HPSE2: variants seen among roughly 807,000 people sequenced by gnomAD.
The protein encoded by HPSE2 is inactive heparanase-2.
Under a neutral mutation model 60.5 loss-of-function variants are expected in HPSE2, and 38 were observed. The ratio of observed to expected loss-of-function variants is 0.63; its 90% CI spans 0.48 to 0.82. The LOEUF (loss-of-function observed/expected upper bound fraction) is 0.82. Among genes scored for constraint, HPSE2 ranks in the 40% least tolerant of loss-of-function variants. HPSE2 has a pLI of 0.00. For synonymous variants in HPSE2, 295 were observed against 293.2 expected (o/e 1.01, Z -0.06); for missense variants, 713 against 740.4 (o/e 0.96, Z 0.43).
intron 3 of HPSE2, among the ~76,000 whole-genome samples, chr10:98,828,437 T>C (rs1471852446): frequency 1.3e-5 from 2 of 152,230 alleles, no homozygotes; most frequent in African/African-American, 4.8e-5. Flanking sequence ...ATTTGTACTA[T>C]ATCATCTTGC....
Position 98,823,982 on chromosome 10 carries a change from T to C in HPSE2, c.611-79926A>G, listed in dbSNP as rs1411301730. 3.3e-5 allele frequency among the ~76,000 whole-genome samples: 5 copies of C among 152,290 alleles called. No individual in the cohort carries two copies. The East Asian group carries it at 9.6e-4, about 29-fold the overall frequency. On this transcript the variant is annotated intron_variant, in intron 3 of 11. Coordinates refer to ENST00000370552, the MANE Select transcript of HPSE2 (RefSeq NM_021828.5). Reference sequence around the variant, plus strand: ...GGTTACAAAGCAGGTCCTAACAAATTTTAAAGGATTGATGAGTATGTTCTC... The same window carrying C: ...GGTTACAAAGCAGGTCCTAACAAATCTTAAAGGATTGATGAGTATGTTCTC...
intron 2 of HPSE2, among the ~76,000 whole-genome samples, chr10:99,180,311 T>C (rs971133051): frequency 6.6e-6 from 1 of 151,820 alleles, no homozygotes; most frequent in African/African-American, 2.4e-5. Context: ...ATTATCAGAG[T>C]GAACAGGCAA....
chr10:98,486,081 C>G (rs1564912023), intron 10 of HPSE2, among the ~76,000 whole-genome samples: 1 of 152,200 alleles, frequency 6.6e-6, no homozygotes, highest in Non-Finnish European at 1.5e-5. Context: ...ATAGCGCCTT[C>G]TCAGGTAGGA....
intron 5 of HPSE2, among the ~76,000 whole-genome samples, chr10:98,706,997 T>C (rs1197417530): frequency 6.6e-6 from 1 of 152,138 alleles, no homozygotes; most frequent in Non-Finnish European, 1.5e-5. Flanking sequence ...GGATCAGATT[T>C]GCATTTCAGG....
chr10:98,711,303 T>G (rs1405590598), intron 5 of HPSE2, among the ~76,000 whole-genome samples: 5 of 152,170 alleles, frequency 3.3e-5, no homozygotes, highest in Non-Finnish European at 7.3e-5. Flanking sequence ...GATTTTGTTA[T>G]TTATTTCACA....
intron 3 of HPSE2, among the ~76,000 whole-genome samples, chr10:98,924,138 G>A (rs1251007099): frequency 6.6e-6 from 1 of 152,230 alleles, no homozygotes; most frequent in African/African-American, 2.4e-5. Context: ...TGCTGTGGTG[G>A]TTGTGGGTAA....
chr10:98,795,945 G>A (rs1212343938), intron 3 of HPSE2, among the ~76,000 whole-genome samples: 2 of 152,194 alleles, frequency 1.3e-5, no homozygotes, highest in Non-Finnish European at 2.9e-5. Flanking sequence ...CAGCTGCCTT[G>A]ATGAGAAGGT....
chr10:98,850,736 CAAAAAAA>C (rs11345838), intron 3 of HPSE2, among the ~76,000 whole-genome samples: 2 of 71,894 alleles, frequency 2.8e-5, no homozygotes, highest in Admixed American at 1.6e-4. Context: ...GACTCCATCT[CAAAAAAA>C]AAAAAAAAAA....
chr10:98,989,689 A>T (rs2135336575), intron 3 of HPSE2, among the ~76,000 whole-genome samples: 1 of 152,258 alleles, frequency 6.6e-6, no homozygotes, highest in South Asian at 2.1e-4. Flanking sequence ...TTGTCTTTTA[A>T]TCCAGGATGC....
At chr10:99,289,652 T>C in the HPSE2 span, among the ~76,000 whole-genome samples, 1 of 152,190 alleles carries the variant, frequency 6.6e-6, no homozygotes, top group Non-Finnish European at 1.5e-5. Flanking sequence ...TTAAAGTAGT[T>C]ATTTTCTTTT....
intron 3 of HPSE2, among the ~76,000 whole-genome samples, chr10:98,988,103 C>G (rs1380450153): frequency 2.0e-5 from 3 of 152,210 alleles, no homozygotes; most frequent in African/African-American, 7.2e-5. Flanking sequence ...CCATCCCCAT[C>G]AAGCTACCAA....
chr10:98,905,259 C>T (rs933929529), intron 3 of HPSE2, among the ~76,000 whole-genome samples: 4 of 151,626 alleles, frequency 2.6e-5, no homozygotes, highest in African/African-American at 9.7e-5. Flanking sequence ...TGCTGCACCC[C>T]CTAACTCATC....
intron 3 of HPSE2, among the ~76,000 whole-genome samples, chr10:99,120,380 A>G (rs1478196129): frequency 1.3e-5 from 2 of 152,200 alleles, no homozygotes; most frequent in East Asian, 1.9e-4. Flanking sequence ...CAAAACCACA[A>G]TAAGATACCA....
the HPSE2 span, among the ~76,000 whole-genome samples, chr10:99,303,727 C>T: frequency 6.6e-6 from 1 of 152,202 alleles, no homozygotes; most frequent in Non-Finnish European, 1.5e-5. Context: ...AAAGAATCAA[C>T]ACTCAGCCAG....
the HPSE2 span, among the ~76,000 whole-genome samples, chr10:99,304,339 T>G: frequency 6.6e-6 from 1 of 152,246 alleles, no homozygotes; most frequent in African/African-American, 2.4e-5. Flanking sequence ...TTAATCTGCA[T>G]GCAATTAAAA....
chr10:98,800,877 A>G (rs1950889870), intron 3 of HPSE2, among the ~76,000 whole-genome samples: 1 of 152,210 alleles, frequency 6.6e-6, no homozygotes, highest in African/African-American at 2.4e-5. Context: ...TCATTCTGTG[A>G]GGCTAGTGAT....
intron 11 of HPSE2, among the ~76,000 whole-genome samples, chr10:98,482,264 A>G (rs189221664): frequency 1.3e-5 from 2 of 152,290 alleles, no homozygotes; most frequent in African/African-American, 4.8e-5. Flanking sequence ...GTTCTCAACT[A>G]CCAGGATGTT....
intron 3 of HPSE2, among the ~76,000 whole-genome samples, chr10:98,979,354 T>C (rs999721721): frequency 2.6e-5 from 4 of 152,150 alleles, no homozygotes; most frequent in Admixed American, 6.5e-5. Context: ...AATGAAGCTA[T>C]GGAAAAGATG....
chr10:99,208,516 C>G (rs1270863909), intron 2 of HPSE2, among the ~76,000 whole-genome samples: 1 of 151,982 alleles, frequency 6.6e-6, no homozygotes, highest in Admixed American at 6.6e-5. Context: ...AAAACCCCAT[C>G]TCTGCAAAAA....
Sources: gnomAD v4.1 joint callset for allele counts (sites outside exome capture counted in the v4.1 genomes callset) on GRCh38, gnomAD v4.1.1 for gene constraint, MANE v1.5 for transcripts, NCBI Gene and HGNC (gene_info 2026-07-23, HGNC 2026-07-21) for gene names.